The following DLGAP2 variants were observed in gnomAD, a reference collection of about 807,000 sequenced individuals.
DLGAP2 encodes disks large-associated protein 2.
A neutral mutation model predicts 100.3 loss-of-function variants in DLGAP2; 26 were observed. The observed-to-expected ratio is 0.26, with a 90% confidence interval of 0.19 to 0.36. The LOEUF is 0.36. DLGAP2 is among the 10% of genes least tolerant of loss of function. DLGAP2 has a pLI of 1.00. For missense variants in DLGAP2, 1,858 were observed against 1,453.2 expected, an observed-to-expected ratio of 1.28 and a Z score of -4.53; for synonymous variants, 886 against 630.1, an observed-to-expected ratio of 1.41 and a Z score of -6.08.
At chr8:1,011,009 A>C (rs1801265134) in intron 2 of DLGAP2, among the ~76,000 whole-genome samples, 1 of 150,952 alleles carries the variant, frequency 6.6e-6, no homozygotes, top group Non-Finnish European at 1.5e-5. Context: ...CTCAGTCTAC[A>C]TAGTGAGCCC....
At chr8:1,691,807 C>T (rs1035881932) in intron 13 of DLGAP2, among the ~76,000 whole-genome samples, 181 bp downstream of exon 13, 13 of 151,770 alleles carry the variant, frequency 8.6e-5, no homozygotes, top group East Asian at 1.9e-4. Context: ...CTGGTTTAAA[C>T]GCGGTACCGA....
At chr8:1,167,929 G>A (rs1797051653) in intron 2 of DLGAP2, among the ~76,000 whole-genome samples, 1 of 151,872 alleles carries the variant, frequency 6.6e-6, no homozygotes, top group African/African-American at 2.4e-5. Context: ...TGTGCACAAT[G>A]TGTAGGCTAG....
At chr8:1,030,685 G>C (rs1177505379) in intron 2 of DLGAP2, among the ~76,000 whole-genome samples, 2 of 152,160 alleles carry the variant, frequency 1.3e-5, no homozygotes. Context: ...CCTTTCTTTT[G>C]GTTGCTTTGC....
chr8:852,805 G>T (rs1014902875), intron 1 of DLGAP2, among the ~76,000 whole-genome samples: 1 of 152,220 alleles, frequency 6.6e-6, no homozygotes, highest in East Asian at 1.9e-4. Context: ...CATTCTGAAT[G>T]ACAACGTCCT....
chr8:1,697,025 G>T (rs929829905), intron 13 of DLGAP2, 122 bp from the exon 14 acceptor site: 21 of 1,074,890 alleles, frequency 2.0e-5, no homozygotes, highest in Admixed American at 3.6e-5. Context: ...GCCTCAGGCT[G>T]GAATTAGCCA....
rs796624075 is a variant in DLGAP2, at chr8:1,656,594, C to G, written c.1811-11735C>G. Among the ~76,000 whole-genome samples, 28 of 152,294 alleles carry G rather than the reference C, an allele frequency of 1.8e-4. 1 individual carries two copies. Among genetic ancestry groups the G allele is most frequent in the African/African-American group, 6.7e-4 (28 of 41,562 alleles). On this transcript the variant is annotated intron_variant, in intron 8 of 14. Coordinates refer to ENST00000637795, the MANE Select transcript of DLGAP2 (RefSeq NM_001346810.2). ...GAGGTGGGCTCAATTCCAGATACAT[C>G]TGAGGAAAGTCAGTTTTTACACACC...
At chr8:942,510 C>G (rs1430641487) in intron 2 of DLGAP2, among the ~76,000 whole-genome samples, 1 of 152,262 alleles carries the variant, frequency 6.6e-6, no homozygotes, top group East Asian at 1.9e-4. Context: ...TCCCAGCTCT[C>G]CTGGGCTTGG....
intron 1 of DLGAP2, among the ~76,000 whole-genome samples, chr8:862,697 G>C (rs1471150128): frequency 6.6e-6 from 1 of 152,140 alleles, no homozygotes; most frequent in East Asian, 1.9e-4. Context: ...AGTGAGAACA[G>C]ATCTTGTCCA....
At position 1,366,120 on chromosome 8, in the gene DLGAP2, C is replaced by T. The variant is rs112618164; in HGVS notation, c.106+107237C>T. On this transcript the variant is annotated intron_variant, in intron 3 of 14. Coordinates refer to ENST00000637795, the MANE Select transcript of DLGAP2 (RefSeq NM_001346810.2). ...GCCAGACACTGTGCTGGGGATTCAT[C>T]AAGTTTTTACAAGTTGAAAAGTTTC... Among the ~76,000 whole-genome samples, 731 of 152,360 alleles carry T rather than the reference C, an allele frequency of 4.8e-3. 3 individuals carry two copies. The highest frequency in any genetic ancestry group is 0.015 in the African/African-American group (616 of 41,592).
chr8:896,377 C>T (rs1257423442), intron 1 of DLGAP2, among the ~76,000 whole-genome samples: 3 of 151,446 alleles, frequency 2.0e-5, no homozygotes, highest in Non-Finnish European at 4.4e-5. Flanking sequence ...GCCAGTTCCA[C>T]CTGGCACCCT....
chr8:811,538 C>T (rs1796370052), intron 1 of DLGAP2, among the ~76,000 whole-genome samples: 1 of 149,424 alleles, frequency 6.7e-6, no homozygotes, highest in African/African-American at 2.5e-5. Flanking sequence ...AAGCTCCCAT[C>T]ATCCTTGGAA....
chr8:820,876 T>G (rs1187764826), intron 1 of DLGAP2, among the ~76,000 whole-genome samples: 1 of 152,186 alleles, frequency 6.6e-6, no homozygotes, highest in Non-Finnish European at 1.5e-5. Context: ...GAAGATGTAG[T>G]TCTGTCTGTA....
chr8:1,534,541 T>G (rs565691115), intron 4 of DLGAP2, among the ~76,000 whole-genome samples: 1 of 152,372 alleles, frequency 6.6e-6, no homozygotes, highest in South Asian at 2.1e-4. Flanking sequence ...CACCTGAGTT[T>G]AGAATCACAA....
chr8:1,659,404 T>C (rs1313547825), intron 8 of DLGAP2, among the ~76,000 whole-genome samples: 1 of 152,180 alleles, frequency 6.6e-6, no homozygotes, highest in African/African-American at 2.4e-5. Flanking sequence ...CCTTGTTAAT[T>C]TTCTGTCTCA....
chr8:1,221,769 T>C (rs1798319348), intron 2 of DLGAP2, among the ~76,000 whole-genome samples: 1 of 152,218 alleles, frequency 6.6e-6, no homozygotes, highest in Non-Finnish European at 1.5e-5. Flanking sequence ...CATTCTCACA[T>C]ATTTCTCAGA....
intron 3 of DLGAP2, among the ~76,000 whole-genome samples, chr8:1,416,574 C>T (rs1796890689): frequency 1.3e-5 from 2 of 152,288 alleles, no homozygotes; most frequent in East Asian, 1.9e-4. Flanking sequence ...CCTCCACGGC[C>T]GCCCCTTCTT....
At chr8:1,510,946 C>G (rs1800140276) in intron 4 of DLGAP2, among the ~76,000 whole-genome samples, 2 of 152,344 alleles carry the variant, frequency 1.3e-5, no homozygotes, top group East Asian at 3.9e-4. Context: ...CTCAATCAAT[C>G]TGGCACATCT....
chr8:1,546,577 G>C (rs1239324792), intron 4 of DLGAP2, among the ~76,000 whole-genome samples: 1 of 152,236 alleles, frequency 6.6e-6, no homozygotes, highest in Non-Finnish European at 1.5e-5. Context: ...ATCAGCAGGG[G>C]ATTTTGTTGT....
chr8:1,496,710 G>T (rs1410422391), intron 3 of DLGAP2, among the ~76,000 whole-genome samples: 1 of 152,176 alleles, frequency 6.6e-6, no homozygotes, highest in African/African-American at 2.4e-5. Context: ...GCTCAAGGGT[G>T]ATCAGAGATG....
Sources: gnomAD v4.1 joint callset for allele counts (sites outside exome capture counted in the v4.1 genomes callset) on GRCh38, gnomAD v4.1.1 for gene constraint, MANE v1.5 for transcripts, NCBI Gene and HGNC (gene_info 2026-07-23, HGNC 2026-07-21) for gene names.